Variants in HNRNPD observed in about 807,000 individuals in gnomAD.
The protein encoded by HNRNPD is heterogeneous nuclear ribonucleoprotein D0.
HNRNPD carries 3 observed loss-of-function variants against 47.9 expected under a neutral mutation model. The observed-to-expected ratio is 0.06, with a 90% CI of 0.03 to 0.16. HNRNPD has a LOEUF of 0.16. Among genes scored for constraint, HNRNPD ranks in the 10% least tolerant of loss-of-function variants. The pLI is 1.00. For synonymous variants in HNRNPD, 171 were observed against 165.1 expected (o/e 1.04, Z -0.28); for missense variants, 287 against 454.2 (o/e 0.63, Z 3.35).
In HNRNPD at chr4:82,356,819, C is replaced by T. The variant is rs1482719426; in HGVS notation, c.830G>A (p.Gly277Glu). 1 of 1,614,104 alleles carries T rather than the reference C, an allele frequency of 6.2e-7. No individual in the cohort carries two copies. The highest frequency in any genetic ancestry group is 8.5e-7 in the Non-Finnish European group (1 of 1,179,964). The change falls in exon 6 of 9, where the codon GGA becomes GAA. Residue 277 changes from glycine to glutamate, a missense_variant. Transcript: ENST00000313899. ...ACCACCACCTCTTCCACGAGCTCTT[C>T]CTGCAAATCCTCCTCTAGATCCCCA... ...QQWGSRGGFA[G>E]RARGRGGGPS...
chr4:82,355,505 T>C lies in HNRNPD; in HGVS notation c.1001-104A>G, dbSNP rs1723677823. Reference sequence around the variant, plus strand: ...TCTCAAAAAATTAAGGGTAGCTTAATTCCCAAGTGTGAAAAATTCACCCTG... The same window carrying C: ...TCTCAAAAAATTAAGGGTAGCTTAACTCCCAAGTGTGAAAAATTCACCCTG... On this transcript the variant is annotated intron_variant, in intron 7 of 8. Coordinates refer to ENST00000313899, the MANE Select transcript of HNRNPD (RefSeq NM_031370.3). 2.3e-5 allele frequency: 18 copies of C among 797,434 alleles called. 1 individual carries two copies. In the South Asian group the frequency reaches 2.8e-4, roughly 12 times the overall value. The allele number at this position is 797,434 out of a possible 1,614,324, so 49.4% of individuals were successfully genotyped here. A position where few individuals can be genotyped will look rare whatever the true frequency, so the allele number is the denominator to read the frequency against.
At chr4:82,367,230 T>G (rs558682278) in intron 2 of HNRNPD, among the ~76,000 whole-genome samples, 1 of 152,140 alleles carries the variant, frequency 6.6e-6, no homozygotes, top group African/African-American at 2.4e-5. Flanking sequence ...TGACATCTTG[T>G]ATGTTTACGT....
At position 82,353,553 on chromosome 4, in the gene HNRNPD, A is replaced by G. The variant is rs1349884223; in HGVS notation, c.*632T>C. 1 of 152,660 alleles carries G rather than the reference A, an allele frequency of 6.6e-6. No homozygotes were observed. Among genetic ancestry groups the G allele is most frequent in the Non-Finnish European group, 1.5e-5 (1 of 68,030 alleles). 9.5% of individuals were successfully genotyped at this position (152,660 alleles called of 1,614,324 possible). ...AAAAAGCACAATACATATTAAGCAAAAACTGGGCATTTGGGAAAATATTCA... is the reference window on the plus strand; with the variant it reads ...AAAAAGCACAATACATATTAAGCAAGAACTGGGCATTTGGGAAAATATTCA... On this transcript the variant is annotated 3_prime_UTR_variant, in exon 9 of 9. Coordinates refer to ENST00000313899, the MANE Select transcript of HNRNPD (RefSeq NM_031370.3).
chr4:82,359,615 G>A lies in HNRNPD; in HGVS notation c.315C>T (p.Ser105=). ...EEWKMFIGGL[S]WDTTKKDLKD... ...TCAGATCTTTCTTTGTAGTGTCCCA[G>A]CTAAGGCCTCCTATAAACATTTTCC... Residue 105 remains serine (S), a synonymous_variant, in exon 3 of 9, where the codon AGC becomes AGT. Transcript: ENST00000313899. 1 of 1,569,782 alleles carries A rather than the reference G, an allele frequency of 6.4e-7. No individual in the cohort carries two copies. Among genetic ancestry groups the A allele is most frequent in the Non-Finnish European group, 8.7e-7 (1 of 1,148,324 alleles).
At chr4:82,367,555 C>T (rs1719828033) in intron 2 of HNRNPD, among the ~76,000 whole-genome samples, 1 of 152,110 alleles carries the variant, frequency 6.6e-6, no homozygotes, top group Admixed American at 6.5e-5. Context: ...CTCATGGCTT[C>T]ATCTATCTTG....
chr4:82,366,675 T>C (rs1173701929), intron 2 of HNRNPD, among the ~76,000 whole-genome samples: 2 of 152,172 alleles, frequency 1.3e-5, no homozygotes, highest in East Asian at 3.8e-4. Context: ...CAAGTGATTC[T>C]CCCGCCTCAG....
chr4:82,366,789 G>A (rs2109999352), intron 2 of HNRNPD, among the ~76,000 whole-genome samples: 1 of 152,160 alleles, frequency 6.6e-6, no homozygotes, highest in Admixed American at 6.5e-5. Flanking sequence ...TCCAATTCCT[G>A]ACCTTAGGTG....
At chr4:82,371,436 G>T in intron 2 of HNRNPD, 92 bp downstream of exon 2, 1 of 956,122 alleles carries the variant, frequency 1.0e-6, no homozygotes, top group Non-Finnish European at 1.6e-6. Context: ...AGAATTTCCT[G>T]GGGATCAATG....
At chr4:82,362,422 T>G (rs1000462072) in intron 2 of HNRNPD, among the ~76,000 whole-genome samples, 4 of 152,086 alleles carry the variant, frequency 2.6e-5, no homozygotes, top group Non-Finnish European at 4.4e-5. Flanking sequence ...CCAAGAACAC[T>G]CTGGCTTTTT....
intron 1 of HNRNPD, among the ~76,000 whole-genome samples, chr4:82,372,756 A>T (rs1720121340): frequency 6.6e-6 from 1 of 152,216 alleles, no homozygotes; most frequent in Admixed American, 6.5e-5. Flanking sequence ...CCAATGTACC[A>T]ACAAGAAACT....
intron 3 of HNRNPD, 66 bp downstream of exon 3, chr4:82,359,405 T>C (rs1286179971): frequency 1.3e-5 from 15 of 1,165,286 alleles, no homozygotes; most frequent in Middle Eastern, 2.3e-4. Context: ...GGCAAACTCA[T>C]TGTATCAAAC....
intron 1 of HNRNPD, among the ~76,000 whole-genome samples, chr4:82,372,519 A>G (rs965796722): frequency 2.6e-5 from 4 of 152,122 alleles, no homozygotes; most frequent in Admixed American, 6.6e-5. Flanking sequence ...GGGCACCGGG[A>G]AAAAAAGGGG....
At chr4:82,370,192 G>T (rs1036929352) in intron 2 of HNRNPD, among the ~76,000 whole-genome samples, 1 of 151,902 alleles carries the variant, frequency 6.6e-6, no homozygotes, top group Non-Finnish European at 1.5e-5. Context: ...AATGACAGTT[G>T]GTTACTATCT....
intron 4 of HNRNPD, 60 bp downstream of exon 4, chr4:82,358,599 T>C: frequency 6.8e-7 from 1 of 1,475,204 alleles, no homozygotes; most frequent in Non-Finnish European, 9.3e-7. Flanking sequence ...GAGTCCATAA[T>C]GGGACAATCA....
chr4:82,356,763 C>G, intron 6 of HNRNPD, 33 bp downstream of exon 6: 1 of 1,612,954 alleles, frequency 6.2e-7, no homozygotes, highest in African/African-American at 1.3e-5. Flanking sequence ...AGCAGAAAAG[C>G]TTAAGATAGA....
chr4:82,371,962 A>C (rs1213374503), intron 1 of HNRNPD, among the ~76,000 whole-genome samples: 1 of 152,140 alleles, frequency 6.6e-6, no homozygotes, highest in Non-Finnish European at 1.5e-5. Context: ...ACTATCATCA[A>C]ACAGCCTGAC....
At chr4:82,373,021 A>C (rs1720144995) in intron 1 of HNRNPD, 1 of 408,526 alleles carries the variant, frequency 2.4e-6, no homozygotes. Context: ...AATAAACCTT[A>C]GTAATACAAA....
intron 2 of HNRNPD, among the ~76,000 whole-genome samples, chr4:82,368,764 T>C (rs1719887607): frequency 6.6e-6 from 1 of 152,214 alleles, no homozygotes; most frequent in Non-Finnish European, 1.5e-5. Flanking sequence ...GAAATTATTT[T>C]ACAAAGCAAA....
chr4:82,352,874 A>G lies in HNRNPD; in HGVS notation c.*1311T>C, dbSNP rs1723556167. The G allele has an allele frequency of 6.6e-6, 1 of 152,174 alleles. No homozygotes were observed. The highest frequency in any genetic ancestry group is 6.5e-5 in the Admixed American group (1 of 15,272). The allele number at this position is 152,174 out of a possible 1,614,324, so 9.4% of individuals were successfully genotyped here. ...GGTCAAATTCTTAGCATCAGATGTA[A>G]CTCCACAAAAGTAAGAAAGGTATTC... On this transcript the variant is annotated 3_prime_UTR_variant, in exon 9 of 9. Transcript: ENST00000313899.
Sources: gnomAD v4.1 joint callset for allele counts (sites outside exome capture counted in the v4.1 genomes callset) on GRCh38, gnomAD v4.1.1 for gene constraint, MANE v1.5 for transcripts, NCBI Gene and HGNC (gene_info 2026-07-23, HGNC 2026-07-21) for gene names.